The following PTPN3 variants were observed in gnomAD, a reference collection of about 807,000 sequenced individuals.
PTPN3 encodes the protein protein tyrosine phosphatase non-receptor type 3, also known as tyrosine-protein phosphatase non-receptor type 3.
A neutral mutation model predicts 132.7 loss-of-function variants in PTPN3; 96 were observed. The ratio of observed to expected loss-of-function variants is 0.72; its 90% CI spans 0.61 to 0.86. The LOEUF is 0.86. PTPN3 is among the 40% of genes least tolerant of loss of function. The pLI, the probability that PTPN3 is intolerant of heterozygous loss-of-function variation, is 0.00. For missense variants in PTPN3, 1,125 were observed against 1,159.6 expected, an observed-to-expected ratio of 0.97 and a Z score of 0.43; for synonymous variants, 398 against 429.0, an observed-to-expected ratio of 0.93 and a Z score of 0.89.
chr9:109,512,133 A>T, the PTPN3 span, among the ~76,000 whole-genome samples: 1 of 152,124 alleles, frequency 6.6e-6, no homozygotes, highest in Non-Finnish European at 1.5e-5. Context: ...CAGGGCCTCA[A>T]ATTATCCTTG....
At chr9:109,462,292 TA>T (rs1845882369) in intron 2 of PTPN3, among the ~76,000 whole-genome samples, 1 of 152,228 alleles carries the variant, frequency 6.6e-6, no homozygotes, top group Non-Finnish European at 1.5e-5. Flanking sequence ...CCCACCGTGC[TA>T]AAACTCCACG....
intron 13 of PTPN3, among the ~76,000 whole-genome samples, chr9:109,421,639 G>A (rs956179677): frequency 4.6e-5 from 7 of 152,248 alleles, no homozygotes; most frequent in African/African-American, 1.7e-4. Context: ...TTAAGCTGCT[G>A]TGTTATAGCA....
Position 109,493,229 on chromosome 9 carries a change from C to T in PTPN3, c.-18+4990G>A, listed in dbSNP as rs138460591. 4.7e-3 allele frequency among the ~76,000 whole-genome samples: 715 copies of T among 152,248 alleles called. 1 individual carries two copies. The highest frequency in any genetic ancestry group is 8.3e-3 in the Non-Finnish European group (564 of 68,020). ...ACCAGCCTGGCAACATGGCGAGACC[C>T]TTTCTCTATATTTAAAAAACAAACA... On this transcript the variant is annotated intron_variant, in intron 1 of 25. Coordinates refer to ENST00000374541, the MANE Select transcript of PTPN3 (RefSeq NM_002829.4).
At chr9:109,522,924 G>C in the PTPN3 span, among the ~76,000 whole-genome samples, 4 of 151,890 alleles carry the variant, frequency 2.6e-5, no homozygotes, top group South Asian at 4.2e-4. Context: ...ATGATCTGTG[G>C]GTTTTCAGTT....
intron 19 of PTPN3, among the ~76,000 whole-genome samples, chr9:109,395,613 C>G (rs921463758): frequency 6.6e-6 from 1 of 152,018 alleles, no homozygotes; most frequent in Non-Finnish European, 1.5e-5. Flanking sequence ...ATGGTGAAAC[C>G]CCATCTCTAC....
At chr9:109,534,650 A>AAC in the PTPN3 span, among the ~76,000 whole-genome samples, 1 of 149,280 alleles carries the variant, frequency 6.7e-6, no homozygotes. Context: ...AAAAAAAAAA[A>AAC]AAATACCTGG....
At chr9:109,504,164 C>T in the PTPN3 span, among the ~76,000 whole-genome samples, 2 of 152,094 alleles carry the variant, frequency 1.3e-5, no homozygotes, top group Non-Finnish European at 2.9e-5. Flanking sequence ...ATCTTCTGGT[C>T]AGAGAGAATA....
At chr9:109,434,631 G>A (rs1038831942) in intron 9 of PTPN3, among the ~76,000 whole-genome samples, 14 of 152,196 alleles carry the variant, frequency 9.2e-5, no homozygotes, top group Admixed American at 8.5e-4. Context: ...TTATAAAGAG[G>A]GGGCATGGTT....
intron 23 of PTPN3, 74 bp from the exon 24 acceptor site, chr9:109,382,521 A>T: frequency 1.3e-6 from 2 of 1,547,772 alleles, no homozygotes; most frequent in Non-Finnish European, 1.8e-6. Flanking sequence ...ACCCAGACAC[A>T]GGGTGGCCCT....
At chr9:109,415,077 A>T (rs62576419) in intron 14 of PTPN3, among the ~76,000 whole-genome samples, 511 of 125,068 alleles carry the variant, frequency 4.1e-3, no homozygotes, top group Admixed American at 6.1e-3. Flanking sequence ...CGTCCATCCA[A>T]CCATCCATCC....
the PTPN3 span, among the ~76,000 whole-genome samples, chr9:109,520,098 G>T: frequency 6.6e-6 from 1 of 151,300 alleles, no homozygotes; most frequent in South Asian, 2.1e-4. Context: ...GGTGGAGCTT[G>T]CAGTGAGCCG....
At chr9:109,530,191 T>A in the PTPN3 span, among the ~76,000 whole-genome samples, 1 of 152,194 alleles carries the variant, frequency 6.6e-6, no homozygotes, top group African/African-American at 2.4e-5. Flanking sequence ...TCTCCAGAAC[T>A]TTATCATCCC....
In PTPN3 at chr9:109,460,152, T is replaced by A. The variant is rs570670947; in HGVS notation, c.139-2753A>T. On this transcript the variant is annotated intron_variant, in intron 2 of 25. Coordinates refer to ENST00000374541, the MANE Select transcript of PTPN3 (RefSeq NM_002829.4). ...CCTGTTCTTCCCACAGTCTTCCCCA[T>A]CTCAATAAACTGCAACTCTATTTTG... is the stretch of plus-strand genomic sequence containing the variant. 9.9e-5 allele frequency among the ~76,000 whole-genome samples: 15 copies of A among 152,252 alleles called. No homozygotes were observed. In the South Asian group the frequency reaches 3.1e-3, roughly 32 times the overall value.
At chr9:109,523,038 T>G in the PTPN3 span, among the ~76,000 whole-genome samples, 1 of 152,116 alleles carries the variant, frequency 6.6e-6, no homozygotes, top group Admixed American at 6.5e-5. Flanking sequence ...ACCTATTTTA[T>G]AGGATTGTTG....
intron 7 of PTPN3, among the ~76,000 whole-genome samples, chr9:109,442,750 T>C (rs1844578165): frequency 6.6e-6 from 1 of 152,210 alleles, no homozygotes; most frequent in South Asian, 2.1e-4. Context: ...ACTCATTTCA[T>C]CTTCACTACA....
At chr9:109,439,376 A>G (rs910809246) in intron 7 of PTPN3, among the ~76,000 whole-genome samples, 1 of 67,594 alleles carries the variant, frequency 1.5e-5, no homozygotes, top group Non-Finnish European at 3.1e-5. Flanking sequence ...CTTCATCTTT[A>G]AAAAAAAAAT....
chr9:109,512,105 A>G, the PTPN3 span, among the ~76,000 whole-genome samples: 1 of 152,220 alleles, frequency 6.6e-6, no homozygotes, highest in East Asian at 1.9e-4. Context: ...GGTGGCTTGC[A>G]GACCACATTT....
At chr9:109,455,056 T>G (rs965802971) in intron 4 of PTPN3, among the ~76,000 whole-genome samples, 2 of 152,214 alleles carry the variant, frequency 1.3e-5, no homozygotes, top group Non-Finnish European at 2.9e-5. Context: ...AGAGGTGACT[T>G]GCCTTAGGTC....
chr9:109,463,392 T>C lies in PTPN3; in HGVS notation c.43A>G (p.Ile15Val). 1 of 1,612,852 alleles carries C rather than the reference T, an allele frequency of 6.2e-7. No individual in the cohort carries two copies. The highest frequency in any genetic ancestry group is 1.3e-5 in the African/African-American group (1 of 74,996). Residue 15 changes from isoleucine (I) to valine (V), a missense_variant, in exon 2 of 26, where the codon ATA becomes GTA. Physicochemically the swap from Ile to Val is conservative, Grantham distance 29. Coordinates refer to ENST00000374541, the MANE Select transcript of PTPN3 (RefSeq NM_002829.4). ...LRALGGRINN[I>V]RTSELPKEKT... ...TCTTTGGGTAACTCCGAGGTGCGTA[T>C]ATTATTAATTCTTCCACCCAACGCA...
Sources: allele counts gnomAD v4.1 joint callset (sites outside exome capture counted in the v4.1 genomes callset), GRCh38; gene constraint gnomAD v4.1.1; transcripts MANE v1.5; gene names NCBI Gene and HGNC (gene_info 2026-07-23, HGNC 2026-07-21).